SOX5: variants seen among roughly 807,000 people sequenced by gnomAD.
The protein encoded by SOX5 is transcription factor SOX-5.
In SOX5, 9 loss-of-function variants were observed where a neutral mutation model predicts 92.0. The observed-to-expected ratio is 0.10, with a 90% confidence interval of 0.06 to 0.17. The LOEUF (loss-of-function observed/expected upper bound fraction) is 0.17. SOX5 is among the 10% of genes least tolerant of loss of function. The pLI, the probability that SOX5 is intolerant of heterozygous loss-of-function variation, is 1.00. For synonymous variants in SOX5, 344 were observed against 336.3 expected (o/e 1.02, Z -0.25); for missense variants, 642 against 944.5 (o/e 0.68, Z 4.20).
chr12:23,955,527 T>A (rs1946187531), upstream of SOX5, among the ~76,000 whole-genome samples: 1 of 152,174 alleles, frequency 6.6e-6, no homozygotes, highest in East Asian at 1.9e-4. Flanking sequence ...GCAACGGAAT[T>A]TCTGTCTTAT....
chr12:23,562,404 A>T (rs1174352843), intron 11 of SOX5, among the ~76,000 whole-genome samples: 1 of 152,244 alleles, frequency 6.6e-6, no homozygotes, highest in Non-Finnish European at 1.5e-5. Flanking sequence ...CAAATTAGCA[A>T]TCTGCTCATT....
chr12:24,472,729 G>C (rs1944942235), intron 1 of SOX5, among the ~76,000 whole-genome samples: 1 of 152,052 alleles, frequency 6.6e-6, no homozygotes, highest in African/African-American at 2.4e-5. Context: ...TCAGTTGCCA[G>C]AGCTATCAAT....
In SOX5 at chr12:23,532,981, A is replaced by G; in HGVS notation, c.*1238T>C. ...AACCAACTGACCAGGGAGAAAGGAC[A>G]TCTGGGAGCAGTTTGCTAGTAGCTT... On this transcript the variant is annotated 3_prime_UTR_variant, in exon 15 of 15. Coordinates refer to ENST00000451604, the MANE Select transcript of SOX5 (RefSeq NM_006940.6). 1 of 183,132 alleles carries G rather than the reference A, an allele frequency of 5.5e-6. No homozygotes were observed. The highest frequency in any genetic ancestry group is 1.4e-4 in the East Asian group (1 of 7,004). 11.3% of individuals were successfully genotyped at this position (183,132 alleles called of 1,614,324 possible). A position where few individuals can be genotyped will look rare whatever the true frequency, so the allele number is the denominator to read the frequency against.
chr12:23,990,268 G>T (rs553373475), intron 4 of SOX5, among the ~76,000 whole-genome samples: 3 of 152,056 alleles, frequency 2.0e-5, no homozygotes, highest in Non-Finnish European at 4.4e-5. Flanking sequence ...GATGAAAAAT[G>T]GATCACAGAA....
rs1939759727 is a variant in SOX5 at position 23,534,460 on chromosome 12, G to T, written c.2051C>A (p.Ala684Asp). 6.2e-7 allele frequency: 1 copy of T among 1,613,914 alleles called. No individual in the cohort carries two copies. The highest frequency in any genetic ancestry group is 8.5e-7 in the Non-Finnish European group (1 of 1,180,008). ...GGGCAGGTGAGGGGAGGGCATCCCA[G>T]CCATGGCGATGGCTCCAGGGTACAC... ...GVVYPGAIAM[A>D]GMPSPHLPSE... The change falls in exon 15 of 15, where the codon GCT (alanine) becomes GAT (aspartate). Residue 684 changes from alanine to aspartate, a missense_variant. Around this residue, in one of 8 missense-constraint regions of SOX5, gnomAD observed 130 missense variants for 140.6 expected, o/e 0.92. Transcript: ENST00000451604.
intron 3 of SOX5, among the ~76,000 whole-genome samples, chr12:24,264,463 C>A (rs1055929245): frequency 6.6e-6 from 1 of 152,140 alleles, no homozygotes; most frequent in Admixed American, 6.5e-5. Flanking sequence ...CTTATTTAAA[C>A]CTCACCGTCT....
chr12:24,539,884 G>T (rs1392818685), intron 1 of SOX5, among the ~76,000 whole-genome samples: 3 of 152,016 alleles, frequency 2.0e-5, no homozygotes, highest in Non-Finnish European at 4.4e-5. Flanking sequence ...ATTCCTTCCA[G>T]TTATGTTACA....
chr12:23,940,584 A>C (rs767358694), intron 1 of SOX5, among the ~76,000 whole-genome samples: 2 of 151,328 alleles, frequency 1.3e-5, no homozygotes, highest in African/African-American at 4.8e-5. Context: ...AGAGTCAAAG[A>C]GGTCTCAGTT....
Position 23,769,995 on chromosome 12 carries a change from T to C in SOX5, c.482-14271A>G, listed in dbSNP as rs115291340. Reference sequence around the variant, plus strand: ...GTGTATTTTCCATTAAAGGCCTCTGTTGGAGTTTCTATAGTGCCTTTTTTC... The same window carrying C: ...GTGTATTTTCCATTAAAGGCCTCTGCTGGAGTTTCTATAGTGCCTTTTTTC... On this transcript the variant is annotated intron_variant, in intron 3 of 14. Coordinates refer to ENST00000451604, the MANE Select transcript of SOX5 (RefSeq NM_006940.6). 6.9e-3 allele frequency among the ~76,000 whole-genome samples: 1,048 copies of C among 151,998 alleles called. 17 individuals are homozygous for C. The highest frequency in any genetic ancestry group is 0.024 in the African/African-American group (981 of 41,448).
intron 4 of SOX5, among the ~76,000 whole-genome samples, chr12:24,016,575 G>T (rs1953636866): frequency 1.3e-5 from 2 of 152,144 alleles, no homozygotes; most frequent in African/African-American, 4.8e-5. Context: ...TAGAGAAGGT[G>T]CCAAATGGGC....
At chr12:23,705,291 C>T (rs760612475) in intron 6 of SOX5, among the ~76,000 whole-genome samples, 39 of 151,898 alleles carry the variant, frequency 2.6e-4, no homozygotes, top group Admixed American at 1.2e-3. Flanking sequence ...AGTAAAAGAG[C>T]GCTGCATGTT....
intron 4 of SOX5, among the ~76,000 whole-genome samples, chr12:24,103,442 AC>A (rs1946321545): frequency 2.0e-5 from 3 of 151,148 alleles, no homozygotes; most frequent in Admixed American, 2.0e-4. Flanking sequence ...TTAGCCTCAC[AC>A]TCTTGGGTTC....
chr12:24,106,725 G>T (rs1593216350), intron 4 of SOX5, among the ~76,000 whole-genome samples: 1 of 151,318 alleles, frequency 6.6e-6, no homozygotes, highest in African/African-American at 2.4e-5. Context: ...CCAGGAGGCG[G>T]AGGTTGCAGT....
At chr12:23,603,156 G>A (rs891909508) in intron 9 of SOX5, among the ~76,000 whole-genome samples, 1 of 151,900 alleles carries the variant, frequency 6.6e-6, no homozygotes, top group Non-Finnish European at 1.5e-5. Context: ...GGAGGTTAGA[G>A]TGCCCTTTTC....
intron 1 of SOX5, among the ~76,000 whole-genome samples, chr12:24,387,759 T>C (rs75626834): frequency 4.3e-4 from 66 of 152,338 alleles, no homozygotes; most frequent in South Asian, 1.5e-3. Flanking sequence ...GCAAATTTTA[T>C]TTCTCCAAAT....
chr12:24,471,999 C>T (rs1272167044), intron 1 of SOX5, among the ~76,000 whole-genome samples: 1 of 152,190 alleles, frequency 6.6e-6, no homozygotes, highest in Non-Finnish European at 1.5e-5. Context: ...AAACCATACT[C>T]AATTTAGTGC....
At chr12:24,437,800 A>G (rs548383826) in intron 1 of SOX5, among the ~76,000 whole-genome samples, 2 of 152,180 alleles carry the variant, frequency 1.3e-5, no homozygotes, top group African/African-American at 2.4e-5. Flanking sequence ...TGGAGAGGAC[A>G]TGGAGAAATA....
At chr12:23,895,055 T>C (rs1208871662) in intron 2 of SOX5, among the ~76,000 whole-genome samples, 2 of 152,072 alleles carry the variant, frequency 1.3e-5, no homozygotes, top group Non-Finnish European at 2.9e-5. Context: ...TATTTGTGTT[T>C]ATGTGTGCTG....
chr12:24,357,823 A>G (rs1488960178), intron 2 of SOX5, among the ~76,000 whole-genome samples: 2 of 149,270 alleles, frequency 1.3e-5, no homozygotes, highest in Non-Finnish European at 3.0e-5. Context: ...CCTGGGTGAC[A>G]GAGCGAGACT....
Sources: gnomAD v4.1 joint callset for allele counts (sites outside exome capture counted in the v4.1 genomes callset) on GRCh38, gnomAD v4.1.1 for gene constraint, gnomAD v4.1.1 regional missense constraint, MANE v1.5 for transcripts, NCBI Gene and HGNC (gene_info 2026-07-23, HGNC 2026-07-21) for gene names.